AFF3: variants seen among roughly 807,000 people sequenced by gnomAD.
AFF3 encodes AF4/FMR2 family member 3.
AFF3 carries 32 observed loss-of-function variants against 129.7 expected under a neutral mutation model. The ratio of observed to expected loss-of-function variants is 0.25; its 90% CI spans 0.19 to 0.33. The LOEUF (loss-of-function observed/expected upper bound fraction) is 0.33. Ranked by LOEUF, AFF3 falls within the 10% of genes least tolerant of loss-of-function variation. The pLI, the probability that AFF3 is intolerant of heterozygous loss-of-function variation, is 1.00. For synonymous variants in AFF3, 644 were observed against 635.4 expected, an observed-to-expected ratio of 1.01 and a Z score of -0.20; for missense variants, 1,373 against 1,592.0, an observed-to-expected ratio of 0.86 and a Z score of 2.34.
intron 4 of AFF3, among the ~76,000 whole-genome samples, chr2:100,046,356 T>C (rs567897412): frequency 1.3e-5 from 2 of 152,302 alleles, no homozygotes; most frequent in Non-Finnish European, 1.5e-5. Flanking sequence ...CCAGAGTCCA[T>C]GTTCTTAAAC....
At chr2:99,607,864 A>G (rs1193903817) in intron 13 of AFF3, among the ~76,000 whole-genome samples, 1 of 152,254 alleles carries the variant, frequency 6.6e-6, no homozygotes, top group Non-Finnish European at 1.5e-5. Context: ...CTTTATTAAT[A>G]GCATCACTAT....
chr2:99,566,114 A>AT (rs111261740), intron 19 of AFF3, among the ~76,000 whole-genome samples: 24,489 of 151,620 alleles, frequency 0.16, 4,647 homozygotes, highest in African/African-American at 0.46. Context: ...CCTCTTCTCA[A>AT]TTTTTTTTAA....
chr2:99,813,265 C>G (rs573535710), intron 8 of AFF3, among the ~76,000 whole-genome samples: 1 of 152,332 alleles, frequency 6.6e-6, no homozygotes, highest in African/African-American at 2.4e-5. Flanking sequence ...GTTCCAACTA[C>G]AGCTCAATCA....
intron 10 of AFF3, among the ~76,000 whole-genome samples, chr2:99,729,211 T>C (rs1233333413): frequency 6.6e-6 from 1 of 152,184 alleles, no homozygotes; most frequent in Non-Finnish European, 1.5e-5. Flanking sequence ...AAACAATTTA[T>C]GTCAGAAAAC....
chr2:99,969,111 CTTCT>C (rs1309069849), intron 7 of AFF3, among the ~76,000 whole-genome samples: 3 of 152,192 alleles, frequency 2.0e-5, no homozygotes, highest in Non-Finnish European at 2.9e-5. Flanking sequence ...AGTTTTCTGG[CTTCT>C]TTCTCTCCAT....
intron 11 of AFF3, among the ~76,000 whole-genome samples, chr2:99,718,603 CTTCCT>C (rs1202188269): frequency 3.9e-5 from 6 of 152,132 alleles, no homozygotes; most frequent in Non-Finnish European, 1.5e-5. Flanking sequence ...ATGTCTACTA[CTTCCT>C]TTCCTTGCCT....
At chr2:99,811,921 A>G (rs940726501) in intron 8 of AFF3, among the ~76,000 whole-genome samples, 2 of 152,254 alleles carry the variant, frequency 1.3e-5, no homozygotes, top group African/African-American at 4.8e-5. Flanking sequence ...GAACACAGAC[A>G]ATGAGAGAAG....
At chr2:99,856,685 A>C (rs1690556187) in intron 7 of AFF3, among the ~76,000 whole-genome samples, 1 of 152,166 alleles carries the variant, frequency 6.6e-6, no homozygotes, top group Non-Finnish European at 1.5e-5. Context: ...GCTTACAAAA[A>C]ACCTTCTGGC....
At chr2:99,647,335 A>G (rs1684783276) in intron 13 of AFF3, among the ~76,000 whole-genome samples, 1 of 152,230 alleles carries the variant, frequency 6.6e-6, no homozygotes, top group Non-Finnish European at 1.5e-5. Flanking sequence ...AAGGAACAAG[A>G]TCACGTCCTT....
Position 99,660,568 on chromosome 2 carries a change from C to T in AFF3, c.1144-10902G>A, listed in dbSNP as rs192213162. On this transcript the variant is annotated intron_variant, in intron 12 of 24. Transcript: ENST00000672756. ...TACGATTTATATGTGAAAGTGCTTT[C>T]GCATGTAATGTATAATAATCACACA... is the stretch of plus-strand genomic sequence containing the variant. Among the ~76,000 whole-genome samples the T allele has an allele frequency of 2.6e-3, 397 of 152,310 alleles. 2 individuals carry two copies. Among genetic ancestry groups the T allele is most frequent in the Admixed American group, 5.0e-3 (76 of 15,296 alleles).
At chr2:99,721,544 A>G (rs575286628) in intron 11 of AFF3, among the ~76,000 whole-genome samples, 1 of 152,180 alleles carries the variant, frequency 6.6e-6, no homozygotes, top group Admixed American at 6.5e-5. Context: ...AAAAAGAAAA[A>G]AAAAAAGAAT....
Position 99,669,946 on chromosome 2 carries a change from G to A in AFF3, c.1143+2592C>T, listed in dbSNP as rs948215837. Among the ~76,000 whole-genome samples, 9 of 152,296 alleles carry A rather than the reference G, an allele frequency of 5.9e-5. No individual in the cohort carries two copies. The South Asian group carries it at 6.2e-4, about 11-fold the overall frequency. ...GCCTGGGCGACAAGAGTGAAACTCC[G>A]TACACACACAAAATATGCCTATTGG... On this transcript the variant is annotated intron_variant, in intron 12 of 24. Coordinates refer to ENST00000672756, the MANE Select transcript of AFF3 (RefSeq NM_001386135.1).
chr2:100,128,306 C>A (rs1559138080), intron 2 of AFF3, among the ~76,000 whole-genome samples: 1 of 152,188 alleles, frequency 6.6e-6, no homozygotes, highest in Non-Finnish European at 1.5e-5. Flanking sequence ...AGATCCAAGA[C>A]CCCCTCTCTT....
intron 11 of AFF3, among the ~76,000 whole-genome samples, chr2:99,688,138 G>A (rs1017050211): frequency 6.6e-6 from 1 of 152,042 alleles, no homozygotes; most frequent in East Asian, 1.9e-4. Flanking sequence ...CACTGCGCCC[G>A]GCCCCAGTCA....
chr2:99,745,942 G>A (rs542058458), intron 9 of AFF3, among the ~76,000 whole-genome samples: 6 of 152,234 alleles, frequency 3.9e-5, no homozygotes, highest in South Asian at 4.1e-4. Context: ...GGCACATAGA[G>A]TGATATGATG....
chr2:100,030,346 A>G (rs1684393169), intron 4 of AFF3, among the ~76,000 whole-genome samples: 1 of 152,146 alleles, frequency 6.6e-6, no homozygotes, highest in African/African-American at 2.4e-5. Flanking sequence ...ACCGCTACAC[A>G]CCTATTGTGA....
chr2:100,060,333 C>T (rs1299867503), intron 4 of AFF3, among the ~76,000 whole-genome samples: 1 of 152,160 alleles, frequency 6.6e-6, no homozygotes, highest in Non-Finnish European at 1.5e-5. Context: ...GATACTGAGG[C>T]ACAGGAATGT....
intron 14 of AFF3, among the ~76,000 whole-genome samples, chr2:99,595,390 C>A (rs1558622121): frequency 2.0e-5 from 3 of 152,066 alleles, no homozygotes; most frequent in Admixed American, 2.0e-4. Flanking sequence ...GGCCTTCCAC[C>A]TTTCGAATTC....
chr2:99,893,951 C>A (rs1022798080), intron 7 of AFF3, among the ~76,000 whole-genome samples: 48 of 152,264 alleles, frequency 3.2e-4, no homozygotes, highest in African/African-American at 1.2e-3. Context: ...ATCTTCTTAT[C>A]TGTAAACTGG....
Sources: gnomAD v4.1 joint callset for allele counts (sites outside exome capture counted in the v4.1 genomes callset) on GRCh38, gnomAD v4.1.1 for gene constraint, MANE v1.5 for transcripts, NCBI Gene and HGNC (gene_info 2026-07-23, HGNC 2026-07-21) for gene names.